The following BBOF1 variants were observed in gnomAD, a reference collection of about 807,000 sequenced individuals.
BBOF1 encodes basal body-orientation factor 1.
Under a neutral mutation model 68.0 loss-of-function variants are expected in BBOF1, and 62 were observed. The ratio of observed to expected loss-of-function variants is 0.91; its 90% CI spans 0.74 to 1.13. BBOF1 has a LOEUF of 1.13. Among genes scored for constraint, BBOF1 ranks in the 50% most tolerant of loss-of-function variants. The pLI is 0.00. For synonymous variants in BBOF1, 208 were observed against 198.8 expected (o/e 1.05, Z -0.39); for missense variants, 534 against 600.1 (o/e 0.89, Z 1.15).
chr14:74,070,898 C>A, downstream of BBOF1: 1 of 370,988 alleles, frequency 2.7e-6, no homozygotes, highest in South Asian at 2.8e-5. Flanking sequence ...AATTAAATAC[C>A]CTCATGTATT....
downstream of BBOF1, chr14:74,066,918 T>C: frequency 6.3e-7 from 1 of 1,597,088 alleles, no homozygotes. Flanking sequence ...TTTAAGGTCC[T>C]CATTAACATA....
Position 74,019,401 on chromosome 14 carries a change from C to T in BBOF1, c.-78C>T, listed in dbSNP as rs1231308527. On this transcript the variant is annotated 5_prime_UTR_variant, in exon 1 of 12. Transcript: ENST00000394009. ...GTGGGGCATTGCCAGCTCGGCGTCCCGGTTCCCTTGGAGACAGAGCTGGCC... is the reference window on the plus strand; with the variant it reads ...GTGGGGCATTGCCAGCTCGGCGTCCTGGTTCCCTTGGAGACAGAGCTGGCC... 13 of 1,517,890 alleles carry T rather than the reference C, an allele frequency of 8.6e-6. No individual in the cohort carries two copies. The highest frequency in any genetic ancestry group is 1.2e-5 in the South Asian group (1 of 82,052). 94.0% of individuals were successfully genotyped at this position (1,517,890 alleles called of 1,614,324 possible).
rs977865022 is a variant in BBOF1 at position 74,055,300 on chromosome 14, C to A, written c.1287-284C>A. 1.9e-5 allele frequency: 6 copies of A among 308,230 alleles called. No individual in the cohort carries two copies. The Admixed American group carries it at 2.3e-4, about 12-fold the overall frequency. 19.1% of individuals were successfully genotyped at this position (308,230 alleles called of 1,614,324 possible). On this transcript the variant is annotated intron_variant, in intron 8 of 11. Transcript: ENST00000394009. ...AGTAGCTGGGATTACAGACAGCTGC[C>A]ACCATGCCCAGCTAATTTTTGTATT...
At chr14:74,081,197 G>C (rs568521828) in intron 11 of BBOF1, 21 of 152,278 alleles carry the variant, frequency 1.4e-4, no homozygotes, top group Admixed American at 4.6e-4. Context: ...ATAATAGCTT[G>C]TCTAATGATT....
intron 11 of BBOF1, chr14:74,060,617 G>C (rs1323293448): frequency 2.7e-6 from 4 of 1,476,220 alleles, no homozygotes; most frequent in African/African-American, 1.4e-5. Context: ...ACTCAGGATG[G>C]AGTCAGTCTT....
At chr14:74,022,573 C>T (rs2059327934) in intron 1 of BBOF1, among the ~76,000 whole-genome samples, 1 of 152,106 alleles carries the variant, frequency 6.6e-6, no homozygotes, top group African/African-American at 2.4e-5. Flanking sequence ...GATATGAAAG[C>T]TTTCTGAAAT....
chr14:74,064,590 A>G, intron 11 of BBOF1, 98 bp from the exon 12 acceptor site: 1 of 1,174,326 alleles, frequency 8.5e-7, no homozygotes, highest in South Asian at 1.2e-5. Context: ...ACAAAGGCTT[A>G]GACTTCCCCA....
downstream of BBOF1, chr14:74,067,304 C>T: frequency 6.5e-7 from 1 of 1,540,576 alleles, no homozygotes; most frequent in Non-Finnish European, 9.0e-7. Flanking sequence ...TCCCACTGGC[C>T]AAGGCCAGTG....
At chr14:74,021,776 G>A (rs1317276956) in intron 1 of BBOF1, among the ~76,000 whole-genome samples, 6 of 151,910 alleles carry the variant, frequency 3.9e-5, no homozygotes, top group Non-Finnish European at 5.9e-5. Context: ...GCCTGGTGGC[G>A]GGCTCCTGTA....
intron 9 of BBOF1, 163 bp from the exon 10 acceptor site, chr14:74,056,743 T>C (rs1005080454): frequency 3.3e-6 from 2 of 599,876 alleles, no homozygotes; most frequent in African/African-American, 3.8e-5. Flanking sequence ...TATTTCACAT[T>C]GCATGCCTGT....
intron 2 of BBOF1, among the ~76,000 whole-genome samples, chr14:74,025,005 T>A (rs1017468500): frequency 6.6e-6 from 1 of 152,080 alleles, no homozygotes; most frequent in Non-Finnish European, 1.5e-5. Flanking sequence ...TGGCCTTGAG[T>A]GATCCGCCCA....
intron 5 of BBOF1, among the ~76,000 whole-genome samples, chr14:74,042,895 C>CAA (rs1439988475): frequency 6.6e-6 from 1 of 151,224 alleles, no homozygotes; most frequent in African/African-American, 2.4e-5. Flanking sequence ...CACACACACA[C>CAA]ACACACACAC....
At chr14:74,051,584 A>G (rs2060068776) in intron 8 of BBOF1, among the ~76,000 whole-genome samples, 1 of 151,796 alleles carries the variant, frequency 6.6e-6, no homozygotes, top group Non-Finnish European at 1.5e-5. Context: ...GATAAAGGTA[A>G]CAGAATGTTT....
rs537218247 is a variant in BBOF1 at position 74,078,725 on chromosome 14, C to T, written n.1536+373C>T. Among the ~76,000 whole-genome samples the T allele has an allele frequency of 2.0e-5, 3 of 151,766 alleles. No individual in the cohort carries two copies. The South Asian group carries it at 6.2e-4, about 31-fold the overall frequency. ...TGTATTTTTAGTAGAGATGGGGTTTCAACATGTTGGCCAGGCTGGTCTCAA... is the reference window on the plus strand; with the variant it reads ...TGTATTTTTAGTAGAGATGGGGTTTTAACATGTTGGCCAGGCTGGTCTCAA... On this transcript the variant is annotated intron_variant and non_coding_transcript_variant, in intron 10 of 12. Transcript: ENST00000492026.
intron 3 of BBOF1, among the ~76,000 whole-genome samples, chr14:74,032,491 T>C (rs1358313037): frequency 6.2e-5 from 9 of 144,520 alleles, no homozygotes; most frequent in Non-Finnish European, 1.2e-4. Flanking sequence ...GTTTCTCTCT[T>C]TTTTTTTTTT....
chr14:74,040,237 C>A (rs930447680), intron 4 of BBOF1, among the ~76,000 whole-genome samples: 46 of 152,178 alleles, frequency 3.0e-4, no homozygotes, highest in Non-Finnish European at 8.8e-5. Flanking sequence ...TATCTACCCA[C>A]CTTAGCCTCC....
intron 2 of BBOF1, among the ~76,000 whole-genome samples, chr14:74,026,468 A>G (rs1242787759): frequency 6.6e-6 from 1 of 150,390 alleles, no homozygotes; most frequent in Non-Finnish European, 1.5e-5. Flanking sequence ...AAAAAAAAAA[A>G]GAGTCTGGAA....
At chr14:74,034,841 A>G (rs2059658489) in intron 4 of BBOF1, among the ~76,000 whole-genome samples, 1 of 152,186 alleles carries the variant, frequency 6.6e-6, no homozygotes, top group Admixed American at 6.6e-5. Context: ...CTGTAATCCC[A>G]GCATTTTGGA....
chr14:74,048,228 TACTC>T (rs774812971), intron 7 of BBOF1, 154 bp downstream of exon 7: 63 of 627,974 alleles, frequency 1.0e-4, no homozygotes, highest in Non-Finnish European at 1.5e-4. Context: ...AAAGGTTAAA[TACTC>T]AATCTTATAA....
Sources: gnomAD v4.1 joint callset for allele counts (sites outside exome capture counted in the v4.1 genomes callset) on GRCh38, gnomAD v4.1.1 for gene constraint, MANE v1.5 for transcripts, NCBI Gene and HGNC (gene_info 2026-07-23, HGNC 2026-07-21) for gene names.